CACNA1H: variants seen among roughly 807,000 people sequenced by gnomAD.
The protein encoded by CACNA1H is calcium voltage-gated channel subunit alpha1 H, also known as voltage-dependent T-type calcium channel subunit alpha-1H.
In CACNA1H, 149 loss-of-function variants were observed where a neutral mutation model predicts 192.5. The observed-to-expected ratio is 0.77, with a 90% CI of 0.68 to 0.89. The LOEUF is 0.89. Among genes scored for constraint, CACNA1H ranks in the 40% least tolerant of loss-of-function variants. The pLI is 0.00. For synonymous variants in CACNA1H, 2,202 were observed against 1,475.2 expected (o/e 1.49, Z -11.29); for missense variants, 4,257 against 3,423.5 (o/e 1.24, Z -6.08).
chr16:1,201,232 A>G (rs1024940588), intron 8 of CACNA1H, among the ~76,000 whole-genome samples: 2 of 152,262 alleles, frequency 1.3e-5, no homozygotes, highest in East Asian at 3.9e-4. Context: ...CTAGTAGGTA[A>G]CAGAAGCAGA....
At chr16:1,169,709 T>C (rs916679237) in intron 2 of CACNA1H, among the ~76,000 whole-genome samples, 8 of 152,222 alleles carry the variant, frequency 5.3e-5, no homozygotes, top group African/African-American at 1.9e-4. Context: ...CTGACACCAC[T>C]GTGGCTGTGG....
chr16:1,202,639 C>T (rs533069750), intron 9 of CACNA1H, among the ~76,000 whole-genome samples, 187 bp downstream of exon 9: 3 of 152,228 alleles, frequency 2.0e-5, no homozygotes, highest in Admixed American at 1.3e-4. Context: ...CCCCTGACAG[C>T]GCCAAAGCAA....
intron 34 of CACNA1H, 47 bp downstream of exon 34, chr16:1,219,177 GCTTGCA>G: frequency 6.8e-7 from 1 of 1,468,834 alleles, no homozygotes; most frequent in Non-Finnish European, 9.1e-7. Flanking sequence ...GGGATGGGGG[GCTTGCA>G]GGGATGCCTC....
chr16:1,183,124 C>A (rs1001302956), intron 2 of CACNA1H, among the ~76,000 whole-genome samples: 1 of 138,780 alleles, frequency 7.2e-6, no homozygotes, highest in Non-Finnish European at 1.5e-5. Flanking sequence ...CCCCAGGTGG[C>A]GGTTTCCAGG....
chr16:1,208,099 G>A lies in CACNA1H; in HGVS notation c.3241G>A (p.Ala1081Thr), dbSNP rs1330404120. Residue 1081 changes from alanine (A) to threonine (T), a missense_variant, in exon 16 of 35, where the codon GCT (alanine) becomes ACT (threonine). Physicochemically the swap from Ala to Thr is moderately conservative, Grantham distance 58 (BLOSUM62 0). Transcript: ENST00000348261. Reference protein sequence around the residue: ...SLSPPLIMCTAATPMPTPKSS... With the variant: ...SLSPPLIMCTTATPMPTPKSS... ...GTCCCCTCCCCTCATCATGTGCACA[G>A]CTGCCACGCCCATGCCTACCCCCAA... 6 of 1,596,782 alleles carry A rather than the reference G, an allele frequency of 3.8e-6. No individual in the cohort carries two copies. Among genetic ancestry groups the A allele is most frequent in the Non-Finnish European group, 5.1e-6 (6 of 1,173,106 alleles).
In CACNA1H at chr16:1,202,430, C is replaced by T. The variant is rs769960413; in HGVS notation, c.1980C>T (p.Ile660=). 2 of 1,507,592 alleles carry T rather than the reference C, an allele frequency of 1.3e-6. No individual in the cohort carries two copies. Among genetic ancestry groups the T allele is most frequent in the Admixed American group, 2.1e-5 (1 of 48,086 alleles). 93.4% of individuals were successfully genotyped at this position (1,507,592 alleles called of 1,614,324 possible). The change falls in exon 9 of 35, where the codon ATC becomes ATT. Residue 660 remains isoleucine (I), a synonymous_variant. Coordinates refer to ENST00000348261, the MANE Select transcript of CACNA1H (RefSeq NM_021098.3). ...SLNSPDPYEK[I]PHVVGEHGLG... is the part of the protein sequence containing the mutation. ...ACAGCCCTGATCCCTACGAGAAGAT[C>T]CCGCATGTGGTCGGGGAGCATGGTG...
rs747178657 is a variant in CACNA1H at position 1,204,366 on chromosome 16, C to T, written c.2359C>T (p.Arg787Cys). 22 of 1,572,430 alleles carry T rather than the reference C, an allele frequency of 1.4e-5. No homozygotes were observed. The highest frequency in any genetic ancestry group is 1.1e-4 in the East Asian group (5 of 44,504). Residue 787 changes from arginine to cysteine, a missense_variant, in exon 10 of 35, where the codon CGC becomes TGC. Coordinates refer to ENST00000348261, the MANE Select transcript of CACNA1H (RefSeq NM_021098.3). ...CTGGGTTACCTTCAGCGGCAAGCTG[C>T]GCCGCATCGTGGACAGCAAGTACTT... ...RLWVTFSGKL[R>C]RIVDSKYFSR...
Position 1,207,812 on chromosome 16 carries a change from G to A in CACNA1H, c.3106G>A (p.Val1036Ile). ...CGACACGGACGAGGACAAGACGTCG[G>A]TCCACTTCGAGGAGGACTTCCACAA... ...RSDTDEDKTS[V>I]HFEEDFHKLR... Residue 1036 changes from valine (V) to isoleucine (I), a missense_variant, in exon 15 of 35, where the codon GTC becomes ATC. Physicochemically the swap from Val to Ile is conservative, Grantham distance 29. Coordinates refer to ENST00000348261, the MANE Select transcript of CACNA1H (RefSeq NM_021098.3). 2 of 1,603,188 alleles carry A rather than the reference G, an allele frequency of 1.2e-6. No individual in the cohort carries two copies. Among genetic ancestry groups the A allele is most frequent in the Admixed American group, 1.7e-5 (1 of 58,632 alleles).
rs117603015 is a variant in CACNA1H at position 1,190,547 on chromosome 16, C to T, written c.300-4425C>T. Among the ~76,000 whole-genome samples, 528 of 152,362 alleles carry T rather than the reference C, an allele frequency of 3.5e-3. 7 individuals carry two copies. In the East Asian group the frequency reaches 0.043, roughly 12 times the overall value. ...ACTGGGACCTGGTACATCTGGCAGTCCCTCTCCAGGGCAGGGAGGGCTGGT... is the reference window on the plus strand; with the variant it reads ...ACTGGGACCTGGTACATCTGGCAGTTCCTCTCCAGGGCAGGGAGGGCTGGT... On this transcript the variant is annotated intron_variant, in intron 2 of 34. Coordinates refer to ENST00000348261, the MANE Select transcript of CACNA1H (RefSeq NM_021098.3).
In CACNA1H at chr16:1,172,861, A is replaced by G. The variant is rs1354203847; in HGVS notation, c.299+18825A>G. Among the ~76,000 whole-genome samples, 3 of 152,090 alleles carry G rather than the reference A, an allele frequency of 2.0e-5. 1 individual carries two copies. Among genetic ancestry groups the G allele is most frequent in the Non-Finnish European group, 2.9e-5 (2 of 67,966 alleles). On this transcript the variant is annotated intron_variant, in intron 2 of 34. Transcript: ENST00000348261. ...CGGCTTTGCTCCTCCGAGGCGGGGC[A>G]GGGGCTGTGATCAGGGCCAGGACAG...
At chr16:1,170,147 G>A (rs564525297) in intron 2 of CACNA1H, among the ~76,000 whole-genome samples, 6 of 152,330 alleles carry the variant, frequency 3.9e-5, no homozygotes, top group African/African-American at 1.4e-4. Context: ...GGTGTGCCAG[G>A]GGAGGGGCCT....
Position 1,201,806 on chromosome 16 carries a change from G to T in CACNA1H, c.1356G>T (p.Glu452Asp), listed in dbSNP as rs745345080. 5 of 1,590,064 alleles carry T rather than the reference G, an allele frequency of 3.1e-6. No individual in the cohort carries two copies. Among genetic ancestry groups the T allele is most frequent in the Non-Finnish European group, 4.3e-6 (5 of 1,169,298 alleles). Residue 452 changes from glutamate (E) to aspartate (D), a missense_variant, in exon 9 of 35, where the codon GAG (glutamate) becomes GAT (aspartate). Glu to Asp is a conservative substitution (Grantham distance 45). Transcript: ENST00000348261. ...ACAGCACGCTGGCCAGCTTCTCCGA[G>T]CCTGGCAGCTGCTACGAAGAGCTGC... ...SNDSTLASFS[E>D]PGSCYEELLK... is the part of the protein sequence containing the mutation.
intron 2 of CACNA1H, among the ~76,000 whole-genome samples, chr16:1,161,795 G>A (rs1024118855): frequency 2.0e-5 from 3 of 152,156 alleles, no homozygotes; most frequent in Admixed American, 6.5e-5. Flanking sequence ...CAGGCCCCAC[G>A]CCAGCCCTGT....
In CACNA1H at chr16:1,201,650, GC is replaced by G; in HGVS notation, c.1213-8del. On this transcript the variant is annotated splice_polypyrimidine_tract_variant and intron_variant, in intron 8 of 34. Transcript: ENST00000348261. The stretch of plus-strand genomic sequence containing the variant: ...CTCACTCACTGCCACTTACCCGCCC[GC>G]CCCCGTCACAGGTGGGCTCCTTCTT... The G allele has an allele frequency of 1.3e-6, 2 of 1,569,496 alleles. No homozygotes were observed. The highest frequency in any genetic ancestry group is 8.6e-7 in the Non-Finnish European group (1 of 1,156,206).
Position 1,205,203 on chromosome 16 carries a change from C to G in CACNA1H, c.2541C>G (p.Cys847Trp). 1 of 1,612,982 alleles carries G rather than the reference C, an allele frequency of 6.2e-7. No individual in the cohort carries two copies. Among genetic ancestry groups the G allele is most frequent in the Non-Finnish European group, 8.5e-7 (1 of 1,179,752 alleles). Reference sequence around the variant, plus strand: ...AGATGCTGCTGAAGCTGCTGGCCTGCGGCCCTCTGGGCTACATCCGGAACC... The same window carrying G: ...AGATGCTGCTGAAGCTGCTGGCCTGGGGCCCTCTGGGCTACATCCGGAACC... Reference protein sequence around the residue: ...ALEMLLKLLACGPLGYIRNPY... With the variant: ...ALEMLLKLLAWGPLGYIRNPY... The change falls in exon 11 of 35, where the codon TGC becomes TGG. Residue 847 changes from cysteine (C) to tryptophan (W), a missense_variant. Transcript: ENST00000348261.
At chr16:1,172,370 C>G (rs548510864) in intron 2 of CACNA1H, among the ~76,000 whole-genome samples, 27 of 152,294 alleles carry the variant, frequency 1.8e-4, no homozygotes, top group African/African-American at 5.8e-4. Flanking sequence ...CTGGGCCCCT[C>G]TCACGCCGTC....
intron 2 of CACNA1H, among the ~76,000 whole-genome samples, chr16:1,158,702 T>C (rs1042850277): frequency 6.6e-6 from 1 of 152,118 alleles, no homozygotes; most frequent in African/African-American, 2.4e-5. Context: ...CCAGACCCGC[T>C]TCTGCGGCCG....
In CACNA1H at chr16:1,211,268, A is replaced by G. The variant is rs758075813; in HGVS notation, c.4324A>G (p.Ile1442Val). Reference sequence around the variant, plus strand: ...CGTCCTCATCTGCTGCGCCTTCTTCATCATTTTTGGCATTTTGGGTGTGCA... The same window carrying G: ...CGTCCTCATCTGCTGCGCCTTCTTCGTCATTTTTGGCATTTTGGGTGTGCA... ...NIVLICCAFF[I>V]IFGILGVQLF... is the part of the protein sequence containing the mutation. The change falls in exon 22 of 35, where the codon ATC becomes GTC. Residue 1442 changes from isoleucine to valine, a missense_variant. Coordinates refer to ENST00000348261, the MANE Select transcript of CACNA1H (RefSeq NM_021098.3). 3 of 1,612,926 alleles carry G rather than the reference A, an allele frequency of 1.9e-6. No individual in the cohort carries two copies. The highest frequency in any genetic ancestry group is 2.2e-5 in the South Asian group (2 of 91,086).
In CACNA1H at chr16:1,218,334, C is replaced by T; in HGVS notation, c.5570C>T (p.Ala1857Val). 6.4e-7 allele frequency: 1 copy of T among 1,560,338 alleles called. No individual in the cohort carries two copies. ...TTCGTGCTGGTGAACGTGGTGGTGG[C>T]CGTGCTCATGAAGCACCTGGAGGAG... is the stretch of plus-strand genomic sequence containing the variant. ...AQFVLVNVVV[A>V]VLMKHLEESN... Residue 1857 changes from alanine (A) to valine (V), a missense_variant, in exon 33 of 35, where the codon GCC (alanine) becomes GTC (valine). Transcript: ENST00000348261.
Sources: allele counts gnomAD v4.1 joint callset (sites outside exome capture counted in the v4.1 genomes callset), GRCh38; gene constraint gnomAD v4.1.1; transcripts MANE v1.5; gene names NCBI Gene and HGNC (gene_info 2026-07-23, HGNC 2026-07-21).